Variants in KCNH6 observed in about 807,000 individuals in gnomAD.
KCNH6 encodes voltage-gated inwardly rectifying potassium channel KCNH6.
KCNH6 carries 81 observed loss-of-function variants against 83.4 expected under a neutral mutation model. The observed-to-expected ratio is 0.97, with a 90% CI of 0.81 to 1.17. The LOEUF is 1.17. KCNH6 is among the 50% of genes most tolerant of loss of function. KCNH6 has a pLI of 0.00. For synonymous variants in KCNH6, 503 were observed against 545.6 expected (o/e 0.92, Z 1.09); for missense variants, 1,203 against 1,290.5 (o/e 0.93, Z 1.04).
At chr17:63,537,197 C>G (rs1046395382) in intron 6 of KCNH6, among the ~76,000 whole-genome samples, 3 of 152,206 alleles carry the variant, frequency 2.0e-5, no homozygotes, top group Admixed American at 1.3e-4. Flanking sequence ...AGGAAATGTC[C>G]GAGTGACTCA....
At position 63,545,270 on chromosome 17, in the gene KCNH6, A is replaced by AG. The variant is rs2033091130; in HGVS notation, c.2583+8dup. The AG allele has an allele frequency of 6.2e-7, 1 of 1,612,424 alleles. No individual in the cohort carries two copies. The highest frequency in any genetic ancestry group is 1.7e-5 in the Admixed American group (1 of 59,958). ...GCTTTCTGCCTCCTGCACAGGTAAG[A>AG]GGTGAGGGGATTCCCAGGGGCTTAC... On this transcript the variant is annotated splice_region_variant and intron_variant, in intron 12 of 12. Coordinates refer to ENST00000314672, the MANE Select transcript of KCNH6 (RefSeq NM_001278919.2).
In KCNH6 at chr17:63,538,361, C is replaced by T. The variant is rs766435434; in HGVS notation, c.1702-49C>T. 3.8e-6 allele frequency: 6 copies of T among 1,593,788 alleles called. No homozygotes were observed. The African/African-American group carries it at 4.0e-5, about 11-fold the overall frequency. ...CCAGAGCCCTCACCACCCTCTCCCC[C>T]AGCCCCACCCCGGCCGCGTCCCGCT... On this transcript the variant is annotated intron_variant, in intron 7 of 12. Coordinates refer to ENST00000314672, the MANE Select transcript of KCNH6 (RefSeq NM_001278919.2). This position sits in a 1 kb window ranked among gnomAD's most constrained non-coding sequence, Gnocchi z 4.0.
intron 4 of KCNH6, among the ~76,000 whole-genome samples, chr17:63,531,088 C>T (rs986557474): frequency 2.6e-5 from 4 of 152,242 alleles, no homozygotes; most frequent in African/African-American, 9.6e-5. Flanking sequence ...AATCAGCTTC[C>T]TGGGGGCCAG....
At chr17:63,528,225 G>A (rs186104030) in intron 2 of KCNH6, among the ~76,000 whole-genome samples, 2 of 152,318 alleles carry the variant, frequency 1.3e-5, no homozygotes, top group East Asian at 1.9e-4. Context: ...CAGCGTCCAC[G>A]TGTCACCATG....
At chr17:63,544,883 GTGT>G (rs897389103) in intron 11 of KCNH6, among the ~76,000 whole-genome samples, 192 bp from the exon 12 acceptor site, 5 of 152,092 alleles carry the variant, frequency 3.3e-5, no homozygotes, top group African/African-American at 7.2e-5. Flanking sequence ...CTGCTCACTG[GTGT>G]TGTTAAGAGT....
chr17:63,524,462 G>A (rs371223598), intron 2 of KCNH6, 93 bp downstream of exon 2: 8 of 1,048,106 alleles, frequency 7.6e-6, no homozygotes, highest in Non-Finnish European at 7.2e-6. Context: ...CTGACCCAGG[G>A]TCCAAAGGGC....
chr17:63,547,343 T>C (rs934223116), downstream of KCNH6, among the ~76,000 whole-genome samples: 68 of 31,772 alleles, frequency 2.1e-3, no homozygotes, highest in Non-Finnish European at 7.3e-4. Flanking sequence ...AAGGTTACAG[T>C]AAGCCGTGAT....
chr17:63,537,217 C>G (rs1419172490), intron 6 of KCNH6, among the ~76,000 whole-genome samples: 6 of 152,156 alleles, frequency 3.9e-5, no homozygotes, highest in African/African-American at 1.4e-4. Flanking sequence ...AATCCCAGCC[C>G]AGGGGTTCAG....
rs2031544188 is a variant in KCNH6 at position 63,524,237 on chromosome 17, G to A, written c.175G>A (p.Val59Met). ...CELFGYSRVE[V>M]MQQPCTCDFL... ...ACTCTTCGGCTACTCCCGAGTGGAG[G>A]TGATGCAGCAACCCTGCACCTGCGA... Residue 59 changes from valine (V) to methionine (M), a missense_variant, in exon 2 of 13, where the codon GTG (valine) becomes ATG (methionine). Coordinates refer to ENST00000314672, the MANE Select transcript of KCNH6 (RefSeq NM_001278919.2). 2 of 1,614,176 alleles carry A rather than the reference G, an allele frequency of 1.2e-6. No homozygotes were observed. The highest frequency in any genetic ancestry group is 4.5e-5 in the East Asian group (2 of 44,886).
intron 6 of KCNH6, among the ~76,000 whole-genome samples, chr17:63,536,891 T>G (rs1419921044): frequency 7.4e-6 from 1 of 135,184 alleles, no homozygotes; most frequent in African/African-American, 3.0e-5. Flanking sequence ...GAGGTGGAGC[T>G]TGCATGAGCC....
At position 63,535,765 on chromosome 17, in the gene KCNH6, G is replaced by C. The variant is rs749677939; in HGVS notation, c.1198G>C (p.Val400Leu). ...LDRYSEYGAAVLFLLMCTFAL... is the reference protein window; with the variant it reads ...LDRYSEYGAALLFLLMCTFAL... Reference sequence around the variant, plus strand: ...CCGCTACTCTGAGTATGGGGCGGCTGTGCTCTTCTTGCTCATGTGCACCTT... The same window carrying C: ...CCGCTACTCTGAGTATGGGGCGGCTCTGCTCTTCTTGCTCATGTGCACCTT... The change falls in exon 6 of 13, where the codon GTG (valine) becomes CTG (leucine). Residue 400 changes from valine to leucine, a missense_variant. By Grantham distance (32) the Val-to-Leu change is conservative (BLOSUM62 1). Transcript: ENST00000314672. This position sits in a 1 kb window ranked among gnomAD's most constrained non-coding sequence, Gnocchi z 4.9. The C allele has an allele frequency of 3.1e-6, 5 of 1,614,222 alleles. No homozygotes were observed. The highest frequency in any genetic ancestry group is 2.5e-6 in the Non-Finnish European group (3 of 1,180,058).
chr17:63,523,644 C>T lies in KCNH6; in HGVS notation c.76+155C>T, dbSNP rs1205027665. Among the ~76,000 whole-genome samples, 3 of 152,096 alleles carry T rather than the reference C, an allele frequency of 2.0e-5. No homozygotes were observed. Among genetic ancestry groups the T allele is most frequent in the African/African-American group, 7.2e-5 (3 of 41,390 alleles). On this transcript the variant is annotated intron_variant, in intron 1 of 12. Coordinates refer to ENST00000314672, the MANE Select transcript of KCNH6 (RefSeq NM_001278919.2). This position sits in a 1 kb window ranked among gnomAD's most constrained non-coding sequence, Gnocchi z 4.2. ...CTTTTGATGTCCCCAACACCTTCTCCTCCAGGGGGACCCGCTTGCCTTAAA... is the reference window on the plus strand; with the variant it reads ...CTTTTGATGTCCCCAACACCTTCTCTTCCAGGGGGACCCGCTTGCCTTAAA...
At position 63,534,126 on chromosome 17, in the gene KCNH6, A is replaced by ATCGTGGACATCATGTTCG; in HGVS notation, c.928_945dup (p.Met310_Ile315dup). On this transcript the variant is annotated inframe_insertion, in exon 5 of 13. Coordinates refer to ENST00000314672, the MANE Select transcript of KCNH6 (RefSeq NM_001278919.2). The surrounding 1 kb of genome is among the most constrained non-coding windows in gnomAD (Gnocchi z 5.0). ...CAGTCCCCTCACTGTGGTGGATCTC[A>ATCGTGGACATCATGTTCG]TCGTGGACATCATGTTCGTCGTGGA... The ATCGTGGACATCATGTTCG allele has an allele frequency of 2.5e-6, 4 of 1,591,834 alleles. No homozygotes were observed. Among genetic ancestry groups the ATCGTGGACATCATGTTCG allele is most frequent in the South Asian group, 1.1e-5 (1 of 90,618 alleles).
chr17:63,547,246 A>G (rs1229561863), downstream of KCNH6, among the ~76,000 whole-genome samples: 2 of 152,096 alleles, frequency 1.3e-5, no homozygotes, highest in African/African-American at 4.8e-5. Context: ...AAAATAAAAA[A>G]AGAGGCCAGG....
chr17:63,528,812 C>A (rs2031889505), intron 2 of KCNH6, among the ~76,000 whole-genome samples: 1 of 140,218 alleles, frequency 7.1e-6, no homozygotes, highest in Non-Finnish European at 1.6e-5. Context: ...TGGCCTGGGG[C>A]TCTTGGGTAT....
rs775060175 is a variant in KCNH6 at position 63,534,228 on chromosome 17, C to T, written c.1018C>T (p.His340Tyr). The T allele has an allele frequency of 3.1e-6, 5 of 1,614,158 alleles. No individual in the cohort carries two copies. Among genetic ancestry groups the T allele is most frequent in the Non-Finnish European group, 4.2e-6 (5 of 1,180,010 alleles). Reference sequence around the variant, plus strand: ...CAGCCACCCCCGCCGCATCGCCGTCCACTACTTCAAGGGCTGGTTCCTCAT... The same window carrying T: ...CAGCCACCCCCGCCGCATCGCCGTCTACTACTTCAAGGGCTGGTTCCTCAT... ...VVSHPRRIAV[H>Y]YFKGWFLIDM... Residue 340 changes from histidine (H) to tyrosine (Y), a missense_variant, in exon 5 of 13, where the codon CAC becomes TAC. By Grantham distance (83) the His-to-Tyr change is moderately conservative. Transcript: ENST00000314672. This position sits in a 1 kb window ranked among gnomAD's most constrained non-coding sequence, Gnocchi z 5.0.
rs765678722 is a variant in KCNH6, at chr17:63,538,670, C to T, written c.1954+8C>T. 2.1e-5 allele frequency: 33 copies of T among 1,571,508 alleles called. No individual in the cohort carries two copies. Among genetic ancestry groups the T allele is most frequent in the Non-Finnish European group, 2.7e-5 (31 of 1,154,708 alleles). On this transcript the variant is annotated splice_region_variant and intron_variant, in intron 8 of 12. Coordinates refer to ENST00000314672, the MANE Select transcript of KCNH6 (RefSeq NM_001278919.2). The surrounding 1 kb of genome is among the most constrained non-coding windows in gnomAD (Gnocchi z 4.0). ...TGGTCGTGGCCATCCTAGGTGGGTC[C>T]GGCGGAGTGGACCAGGCCTGTGTTG...
rs761981312 is a variant in KCNH6, at chr17:63,535,855, C to A, written c.1288C>A (p.Leu430Ile). 2.7e-5 allele frequency: 43 copies of A among 1,614,096 alleles called. 4 individuals carry two copies. The South Asian group carries it at 4.6e-4, about 17-fold the overall frequency. The change falls in exon 6 of 13, where the codon CTA becomes ATA. Residue 430 changes from leucine (L) to isoleucine (I), a missense_variant. Physicochemically the swap from Leu to Ile is conservative, Grantham distance 5. Transcript: ENST00000314672. This position sits in a 1 kb window ranked among gnomAD's most constrained non-coding sequence, Gnocchi z 4.9. The part of the protein sequence containing the change: ...YAIGNVERPY[L>I]EHKIGWLDSL... ...CATCGGCAATGTGGAGCGGCCCTAC[C>A]TAGAACACAAGATCGGCTGGCTGGA...
chr17:63,531,424 T>C (rs949152684), intron 4 of KCNH6, among the ~76,000 whole-genome samples: 1 of 152,194 alleles, frequency 6.6e-6, no homozygotes, highest in Admixed American at 6.5e-5. Context: ...CTGTAAGTCA[T>C]AGCCAGGGGC....
Sources: gnomAD v4.1 joint callset for allele counts (sites outside exome capture counted in the v4.1 genomes callset) on GRCh38, gnomAD v4.1.1 for gene constraint, Gnocchi (gnomAD v3.1) non-coding constraint, MANE v1.5 for transcripts, NCBI Gene and HGNC (gene_info 2026-07-23, HGNC 2026-07-21) for gene names.